MAP4K3: variants seen among roughly 807,000 people sequenced by gnomAD.
MAP4K3 encodes MAPK/ERK kinase kinase kinase 3.
MAP4K3 carries 94 observed loss-of-function variants against 143.5 expected under a neutral mutation model. The ratio of observed to expected loss-of-function variants is 0.65; its 90% CI spans 0.55 to 0.78. The LOEUF (loss-of-function observed/expected upper bound fraction) is 0.78. MAP4K3 is among the 30% of genes least tolerant of loss of function. The pLI, the probability that MAP4K3 is intolerant of heterozygous loss-of-function variation, is 0.00. For synonymous variants in MAP4K3, 416 were observed against 347.2 expected, an observed-to-expected ratio of 1.20 and a Z score of -2.20; for missense variants, 1,077 against 1,068.1, an observed-to-expected ratio of 1.01 and a Z score of -0.12.
chr2:39,355,310 G>A lies in MAP4K3; in HGVS notation c.245+939C>T, dbSNP rs183896642. 4.3e-3 allele frequency among the ~76,000 whole-genome samples: 574 copies of A among 133,512 alleles called. 1 individual carries two copies. Among genetic ancestry groups the A allele is most frequent in the Middle Eastern group, 0.016 (3 of 192 alleles). 87.6% of individuals were successfully genotyped at this position (133,512 alleles called of 152,430 possible). On this transcript the variant is annotated intron_variant, in intron 3 of 33. Coordinates refer to ENST00000263881, the MANE Select transcript of MAP4K3 (RefSeq NM_003618.4). ...CGGGAGGTGGAAGGTGCGGTGAGCC[G>A]AGATCACACCACTGCACTCCAGCCT...
At chr2:39,412,068 T>C (rs559123979) in intron 1 of MAP4K3, among the ~76,000 whole-genome samples, 1 of 152,332 alleles carries the variant, frequency 6.6e-6, no homozygotes, top group South Asian at 2.1e-4. Flanking sequence ...ATTGGAATAT[T>C]ACAGTCATTA....
Position 39,337,752 on chromosome 2 carries a change from G to GTTTTTTTTTTTT in MAP4K3, c.311-183_311-172dup, listed in dbSNP as rs570853243. On this transcript the variant is annotated intron_variant, in intron 4 of 33. Coordinates refer to ENST00000263881, the MANE Select transcript of MAP4K3 (RefSeq NM_003618.4). Reference sequence around the variant, plus strand: ...TACTGTCCTACTGTGCCTGGCTCCAGTTTTTTTTTTTTTTTTTTTTTTTTT... The same window carrying GTTTTTTTTTTTT: ...TACTGTCCTACTGTGCCTGGCTCCAGTTTTTTTTTTTTTTTTTTTTTTTTTTTTTTTTTTTTT... Among the ~76,000 whole-genome samples the GTTTTTTTTTTTT allele has an allele frequency of 3.0e-4, 21 of 70,518 alleles. 2 individuals are homozygous for GTTTTTTTTTTTT. Among genetic ancestry groups the GTTTTTTTTTTTT allele is most frequent in the East Asian group, 2.1e-3 (4 of 1,916 alleles). 46.3% of individuals were successfully genotyped at this position (70,518 alleles called of 152,430 possible).
At chr2:39,317,444 G>C (rs936460953) in intron 12 of MAP4K3, among the ~76,000 whole-genome samples, 2 of 152,064 alleles carry the variant, frequency 1.3e-5, no homozygotes, top group African/African-American at 2.4e-5. Flanking sequence ...GTTCGGCACA[G>C]CAAAAGAAAC....
chr2:39,263,536 C>A (rs1680653249), intron 28 of MAP4K3, among the ~76,000 whole-genome samples: 1 of 151,886 alleles, frequency 6.6e-6, no homozygotes, highest in African/African-American at 2.4e-5. Context: ...GCCTCGGCCT[C>A]CCAAAGTGCT....
Position 39,354,300 on chromosome 2 carries a change from C to T in MAP4K3, c.245+1949G>A, listed in dbSNP as rs185978758. ...CTACTAAAAATACAAAAAAATTAGCCGGGTGTGGTGGCAGGAGCCTGTAGT... is the reference window on the plus strand; with the variant it reads ...CTACTAAAAATACAAAAAAATTAGCTGGGTGTGGTGGCAGGAGCCTGTAGT... On this transcript the variant is annotated intron_variant, in intron 3 of 33. Coordinates refer to ENST00000263881, the MANE Select transcript of MAP4K3 (RefSeq NM_003618.4). 6.5e-3 allele frequency among the ~76,000 whole-genome samples: 985 copies of T among 152,100 alleles called. 11 individuals are homozygous for T. The highest frequency in any genetic ancestry group is 0.023 in the African/African-American group (938 of 41,484).
intron 1 of MAP4K3, among the ~76,000 whole-genome samples, chr2:39,428,445 A>C (rs1193852744): frequency 6.6e-6 from 1 of 151,330 alleles, no homozygotes; most frequent in East Asian, 2.0e-4. Flanking sequence ...AGGCTGAGGC[A>C]GGTGATCACC....
At chr2:39,428,401 C>T (rs1205550568) in intron 1 of MAP4K3, among the ~76,000 whole-genome samples, 2 of 152,238 alleles carry the variant, frequency 1.3e-5, no homozygotes, top group East Asian at 3.8e-4. Flanking sequence ...GGGGCCGGCA[C>T]AGTGGCTCAC....
chr2:39,436,962 C>T lies in MAP4K3; in HGVS notation c.26G>A (p.Arg9His), dbSNP rs1310982026. The T allele has an allele frequency of 6.2e-7, 1 of 1,612,262 alleles. No individual in the cohort carries two copies. The highest frequency in any genetic ancestry group is 1.7e-5 in the Admixed American group (1 of 59,964). Residue 9 changes from arginine to histidine, a missense_variant, in exon 1 of 34, where the codon CGC becomes CAC. Coordinates refer to ENST00000263881, the MANE Select transcript of MAP4K3 (RefSeq NM_003618.4). Reference protein sequence around the residue: MNPGFDLSRRNPQEDFELI... With the variant: MNPGFDLSHRNPQEDFELI... ...CTCGAAGTCCTCCTGCGGGTTCCGG[C>T]GGGACAAATCGAAGCCGGGGTTCAT...
intron 1 of MAP4K3, among the ~76,000 whole-genome samples, chr2:39,399,468 AAACAC>A (rs1666897497): frequency 2.0e-5 from 3 of 152,230 alleles, no homozygotes; most frequent in African/African-American, 7.2e-5. Context: ...AACAAAATAA[AAACAC>A]ATGGGAACCA....
At chr2:39,339,640 T>C (rs762646986) in intron 4 of MAP4K3, among the ~76,000 whole-genome samples, 1 of 152,106 alleles carries the variant, frequency 6.6e-6, no homozygotes, top group African/African-American at 2.4e-5. Flanking sequence ...GAGGGCTACA[T>C]CCTCATTAAA....
At chr2:39,298,252 T>A (rs1682362201) in intron 16 of MAP4K3, among the ~76,000 whole-genome samples, 2 of 152,130 alleles carry the variant, frequency 1.3e-5, no homozygotes, top group Middle Eastern at 3.2e-3. Context: ...AGACAATTTA[T>A]AAATCACAAA....
Position 39,250,323 on chromosome 2 carries a change from A to C in MAP4K3, c.*295T>G, listed in dbSNP as rs772951282. On this transcript the variant is annotated 3_prime_UTR_variant, in exon 34 of 34. Coordinates refer to ENST00000263881, the MANE Select transcript of MAP4K3 (RefSeq NM_003618.4). ...TTACTTGTACATCTCATAAAAGTAC[A>C]TTATCTACATAAATTCTTAGTGTAT... The C allele has an allele frequency of 2.5e-5, 7 of 276,240 alleles. No homozygotes were observed. The South Asian group carries it at 3.5e-4, about 14-fold the overall frequency. 17.1% of individuals were successfully genotyped at this position (276,240 alleles called of 1,614,324 possible). A position where few individuals can be genotyped will look rare whatever the true frequency, so the allele number is the denominator to read the frequency against.
At chr2:39,338,543 CA>C (rs1665046562) in intron 4 of MAP4K3, among the ~76,000 whole-genome samples, 1 of 152,188 alleles carries the variant, frequency 6.6e-6, no homozygotes, top group Non-Finnish European at 1.5e-5. Context: ...AGAAACTTTA[CA>C]TAAGTGGAAT....
intron 28 of MAP4K3, among the ~76,000 whole-genome samples, chr2:39,261,814 C>A (rs1043640661): frequency 2.4e-4 from 37 of 152,006 alleles, no homozygotes; most frequent in African/African-American, 8.7e-4. Context: ...TGAACATATA[C>A]TTTATAATTC....
At chr2:39,272,450 A>G in intron 25 of MAP4K3, 32 bp downstream of exon 25, 2 of 1,600,978 alleles carry the variant, frequency 1.2e-6, no homozygotes, top group Non-Finnish European at 1.7e-6. Context: ...AATAGTAACA[A>G]TTGTAAGGTA....
At chr2:39,376,031 C>T (rs537618797) in intron 2 of MAP4K3, among the ~76,000 whole-genome samples, 22 of 152,140 alleles carry the variant, frequency 1.4e-4, no homozygotes, top group Non-Finnish European at 2.9e-4. Flanking sequence ...CTACTATAAA[C>T]ATTTGTGCAT....
intron 1 of MAP4K3, among the ~76,000 whole-genome samples, chr2:39,433,441 T>C (rs1225131688): frequency 1.3e-5 from 2 of 152,174 alleles, no homozygotes; most frequent in African/African-American, 4.8e-5. Flanking sequence ...GTAGGAATAA[T>C]AAAAATTAAA....
intron 1 of MAP4K3, among the ~76,000 whole-genome samples, chr2:39,404,810 G>A (rs897923272): frequency 2.0e-5 from 3 of 151,858 alleles, no homozygotes; most frequent in Non-Finnish European, 2.9e-5. Flanking sequence ...TAGCAGAGAC[G>A]GGGTTTCTCC....
chr2:39,412,461 A>T (rs1643228806), intron 1 of MAP4K3, among the ~76,000 whole-genome samples: 1 of 152,240 alleles, frequency 6.6e-6, no homozygotes, highest in Non-Finnish European at 1.5e-5. Flanking sequence ...AGGGAAATAA[A>T]AACAAAAAAA....
Sources: allele counts gnomAD v4.1 joint callset (sites outside exome capture counted in the v4.1 genomes callset), GRCh38; gene constraint gnomAD v4.1.1; transcripts MANE v1.5; gene names NCBI Gene and HGNC (gene_info 2026-07-23, HGNC 2026-07-21).